RYR3: variants seen among roughly 807,000 people sequenced by gnomAD.
RYR3 encodes brain ryanodine receptor-calcium release channel.
A neutral mutation model predicts 584.3 loss-of-function variants in RYR3; 207 were observed. That is an observed-to-expected ratio of 0.35 (90% CI 0.32 to 0.40). The LOEUF (loss-of-function observed/expected upper bound fraction) is 0.40. Among genes scored for constraint, RYR3 ranks in the 10% least tolerant of loss-of-function variants. The pLI, the probability that RYR3 is intolerant of heterozygous loss-of-function variation, is 1.00. For synonymous variants in RYR3, 2,416 were observed against 2,248.5 expected, an observed-to-expected ratio of 1.07 and a Z score of -2.11; for missense variants, 5,616 against 6,089.2, an observed-to-expected ratio of 0.92 and a Z score of 2.59.
At chr15:33,535,664 T>C (rs142001938) in intron 5 of RYR3, among the ~76,000 whole-genome samples, 5 of 152,298 alleles carry the variant, frequency 3.3e-5, no homozygotes, top group African/African-American at 7.2e-5. Context: ...CTTTTTGAGA[T>C]TGGAAAGAAA....
rs576820688 is a variant in RYR3 at position 33,679,963 on chromosome 15, G to C, written c.5860+9407G>C. On this transcript the variant is annotated intron_variant, in intron 38 of 103. Coordinates refer to ENST00000634891, the MANE Select transcript of RYR3 (RefSeq NM_001036.6). ...GATAACTGTTTTTCTGAGTTTTATG[G>C]AGCTATTGAGAGTAAACAGCTCTCA... Among the ~76,000 whole-genome samples the C allele has an allele frequency of 2.6e-5, 4 of 152,262 alleles. No homozygotes were observed. The South Asian group carries it at 8.3e-4, about 32-fold the overall frequency.
intron 102 of RYR3, among the ~76,000 whole-genome samples, chr15:33,862,783 G>A (rs184432137): frequency 6.6e-6 from 1 of 152,012 alleles, no homozygotes; most frequent in Non-Finnish European, 1.5e-5. Flanking sequence ...GCTAATTTTT[G>A]TATTTTTAGT....
intron 53 of RYR3, among the ~76,000 whole-genome samples, chr15:33,746,962 C>T (rs1290871731): frequency 6.6e-6 from 1 of 151,358 alleles, no homozygotes; most frequent in African/African-American, 2.4e-5. Context: ...GCATGCACCA[C>T]CATGCCCAGC....
intron 17 of RYR3, 147 bp from the exon 18 acceptor site, chr15:33,602,976 A>T (rs558436924): frequency 1.2e-6 from 1 of 821,616 alleles, no homozygotes; most frequent in Non-Finnish European, 1.9e-6. Flanking sequence ...GCTTTTAGAG[A>T]TCCCTCCCAT....
At chr15:33,765,431 G>A (rs1442377890) in intron 60 of RYR3, among the ~76,000 whole-genome samples, 1 of 151,942 alleles carries the variant, frequency 6.6e-6, no homozygotes, top group Non-Finnish European at 1.5e-5. Flanking sequence ...TCAGGAGTTC[G>A]AGACCAGCCT....
chr15:33,783,335 C>A (rs1187691662), intron 65 of RYR3, among the ~76,000 whole-genome samples: 2 of 152,112 alleles, frequency 1.3e-5, no homozygotes, highest in African/African-American at 4.8e-5. Flanking sequence ...CTAAAGATTC[C>A]CCCTAACAGT....
chr15:33,311,749 T>A lies in RYR3; in HGVS notation c.51+653T>A, dbSNP rs1472877930. 6.6e-6 allele frequency among the ~76,000 whole-genome samples: 1 copy of A among 152,190 alleles called. No homozygotes were observed. Among genetic ancestry groups the A allele is most frequent in the Non-Finnish European group, 1.5e-5 (1 of 68,028 alleles). On this transcript the variant is annotated intron_variant, in intron 1 of 103. Coordinates refer to ENST00000634891, the MANE Select transcript of RYR3 (RefSeq NM_001036.6). The surrounding 1 kb of genome is among the most constrained non-coding windows in gnomAD (Gnocchi z 4.4). ...TGTGTTCGAGAGCTGTGGCTTCTGC[T>A]CCTGGCTCCCGCGAGCCCCGCAGGA...
In RYR3 at chr15:33,838,463, C is replaced by A. The variant is rs372854688; in HGVS notation, c.12483C>A (p.Thr4161=). The change falls in exon 89 of 104, where the codon ACC becomes ACA. Residue 4161 remains threonine (T), a synonymous_variant. Transcript: ENST00000634891. ...TCACCGACTTCCTGAAGAGAGCAAC[C>A]CTGAAGAACCTCAGGAAGCAGTACA... is the stretch of plus-strand genomic sequence containing the variant. ...RNVTDFLKRA[T]LKNLRKQYRN... 2.9e-5 allele frequency: 47 copies of A among 1,613,832 alleles called. No homozygotes were observed. The highest frequency in any genetic ancestry group is 3.6e-5 in the Non-Finnish European group (42 of 1,179,896).
chr15:33,581,505 C>T lies in RYR3; in HGVS notation c.1438-3C>T, dbSNP rs2058591816. 1 of 1,613,186 alleles carries T rather than the reference C, an allele frequency of 6.2e-7. No individual in the cohort carries two copies. Among genetic ancestry groups the T allele is most frequent in the Non-Finnish European group, 8.5e-7 (1 of 1,179,262 alleles). On this transcript the variant is annotated splice_region_variant and splice_polypyrimidine_tract_variant and intron_variant, in intron 13 of 103. Transcript: ENST00000634891. ...TTACATTTTCCTCCACTCTCCTTCT[C>T]AGGGAATGTTGGCCCTTGTCTTAAA...
In RYR3 at chr15:33,726,952, CTG is replaced by C. The variant is rs554013076; in HGVS notation, c.7033+450_7033+451del. Among the ~76,000 whole-genome samples, 916 of 152,360 alleles carry C rather than the reference CTG, an allele frequency of 6.0e-3. 14 individuals are homozygous for C. Among genetic ancestry groups the C allele is most frequent in the African/African-American group, 0.021 (858 of 41,592 alleles). The stretch of plus-strand genomic sequence containing the variant: ...TAATGACTTCAATCTGCTCTCTTGT[CTG>C]TGTCAGGACAATTGTACCCTGTGTC... On this transcript the variant is annotated intron_variant, in intron 46 of 103. Transcript: ENST00000634891.
intron 1 of RYR3, among the ~76,000 whole-genome samples, chr15:33,455,151 G>T (rs781625220): frequency 5.3e-5 from 8 of 152,236 alleles, no homozygotes; most frequent in Admixed American, 2.6e-4. Flanking sequence ...TGACTTCCAG[G>T]TCTCTCCATG....
chr15:33,680,299 A>C (rs1208858764), intron 38 of RYR3, among the ~76,000 whole-genome samples: 1 of 152,238 alleles, frequency 6.6e-6, no homozygotes, highest in East Asian at 1.9e-4. Context: ...AGATGCGTTC[A>C]GCAAACGAGC....
chr15:33,593,361 G>C (rs1051737348), intron 16 of RYR3, among the ~76,000 whole-genome samples: 5 of 152,168 alleles, frequency 3.3e-5, no homozygotes, highest in Non-Finnish European at 7.3e-5. Context: ...TTTATTCCTA[G>C]ATGGGTAGGT....
At chr15:33,387,338 G>A (rs1321504910) in intron 1 of RYR3, among the ~76,000 whole-genome samples, 3 of 152,096 alleles carry the variant, frequency 2.0e-5, no homozygotes, top group African/African-American at 7.2e-5. Context: ...ATTCTTTTGG[G>A]TAGATACCCA....
rs148085778 is a variant in RYR3, at chr15:33,855,059, T to C, written c.14007+147T>C. 6 of 762,558 alleles carry C rather than the reference T, an allele frequency of 7.9e-6. No individual in the cohort carries two copies. The South Asian group carries it at 1.9e-4, about 24-fold the overall frequency. The allele number at this position is 762,558 out of a possible 1,614,324, so 47.2% of individuals were successfully genotyped here. ...GGCCAAACACTTCAACTAATGGTGA[T>C]TGTTTTTGCAAAATTGTAGCCAATT... On this transcript the variant is annotated intron_variant, in intron 98 of 103. Coordinates refer to ENST00000634891, the MANE Select transcript of RYR3 (RefSeq NM_001036.6).
At position 33,710,758 on chromosome 15, in the gene RYR3, G is replaced by T. The variant is rs1159073830; in HGVS notation, c.6619+3704G>T. Among the ~76,000 whole-genome samples, 5 of 152,318 alleles carry T rather than the reference G, an allele frequency of 3.3e-5. No homozygotes were observed. The East Asian group carries it at 9.6e-4, about 29-fold the overall frequency. On this transcript the variant is annotated intron_variant, in intron 43 of 103. Transcript: ENST00000634891. Reference sequence around the variant, plus strand: ...ATACCTACAGGCTTAACACTACATGGAAACTGCCAAGAGTTATGGCTTGCA... The same window carrying T: ...ATACCTACAGGCTTAACACTACATGTAAACTGCCAAGAGTTATGGCTTGCA...
At chr15:33,540,219 T>C (rs10519823) in intron 6 of RYR3, among the ~76,000 whole-genome samples, 13,085 of 152,176 alleles carry the variant, frequency 0.086, 681 homozygotes, top group Middle Eastern at 0.11. Context: ...AAGGATCGAA[T>C]ATAGGAAAAT....
chr15:33,339,627 C>T (rs1332277027), intron 1 of RYR3, among the ~76,000 whole-genome samples: 2 of 152,124 alleles, frequency 1.3e-5, no homozygotes, highest in African/African-American at 4.8e-5. Context: ...CGGTGGCTCA[C>T]GCCTGTAATC....
chr15:33,852,869 C>G, intron 94 of RYR3, 176 bp from the exon 95 acceptor site: 1 of 594,752 alleles, frequency 1.7e-6, no homozygotes, highest in East Asian at 3.0e-5. Flanking sequence ...TGAAGCCATA[C>G]ATGACTCAGT....
Sources: allele counts gnomAD v4.1 joint callset (sites outside exome capture counted in the v4.1 genomes callset), GRCh38; gene constraint gnomAD v4.1.1; non-coding constraint Gnocchi (gnomAD v3.1); transcripts MANE v1.5; gene names NCBI Gene and HGNC (gene_info 2026-07-23, HGNC 2026-07-21).